Variants in RIN3 observed in about 807,000 individuals in gnomAD.
RIN3 encodes RAB5 interacting protein 3.
Under a neutral mutation model 76.3 loss-of-function variants are expected in RIN3, and 54 were observed. The ratio of observed to expected loss-of-function variants is 0.71; its 90% CI spans 0.57 to 0.89. RIN3 has a LOEUF of 0.89. Ranked by LOEUF, RIN3 falls within the 40% of genes least tolerant of loss-of-function variation. RIN3 has a pLI of 0.00. For missense variants in RIN3, 1,256 were observed against 1,322.1 expected (o/e 0.95, Z 0.78); for synonymous variants, 576 against 564.0 (o/e 1.02, Z -0.30).
Position 92,660,378 on chromosome 14 carries a change from T to G in RIN3, c.2335+909T>G, listed in dbSNP as rs373885116. On this transcript the variant is annotated intron_variant, in intron 7 of 9. Transcript: ENST00000216487. ...ACGGCCTTGCCCACATGCTGGGTGG[T>G]TGGTTGGCTGTTGGCTGCTCTGGGA... Among the ~76,000 whole-genome samples, 26 of 150,952 alleles carry G rather than the reference T, an allele frequency of 1.7e-4. No individual in the cohort carries two copies. The South Asian group carries it at 4.3e-3, about 25-fold the overall frequency.
chr14:92,586,277 AT>A (rs1884773166), intron 3 of RIN3, among the ~76,000 whole-genome samples: 2 of 152,226 alleles, frequency 1.3e-5, no homozygotes, highest in South Asian at 4.1e-4. Context: ...ATAATTAGCT[AT>A]GGAGTTTGAG....
intron 3 of RIN3, among the ~76,000 whole-genome samples, chr14:92,612,898 G>A (rs1417887363): frequency 6.6e-6 from 1 of 152,218 alleles, no homozygotes; most frequent in Admixed American, 6.5e-5. Flanking sequence ...AACCCAGCAA[G>A]GGGACTAGAT....
At chr14:92,518,396 T>C (rs1896502325) in intron 1 of RIN3, among the ~76,000 whole-genome samples, 1 of 151,936 alleles carries the variant, frequency 6.6e-6, no homozygotes, top group Middle Eastern at 3.2e-3. Context: ...TTTCTGGAGG[T>C]GTTTACAAGG....
chr14:92,557,234 T>TA, intron 2 of RIN3, among the ~76,000 whole-genome samples: 1 of 152,306 alleles, frequency 6.6e-6, no homozygotes, highest in Non-Finnish European at 1.5e-5. Context: ...AGGAGGTAGG[T>TA]GTTGCCACCT....
chr14:92,601,218 A>G (rs1028620227), intron 3 of RIN3, among the ~76,000 whole-genome samples: 4 of 152,210 alleles, frequency 2.6e-5, no homozygotes, highest in Admixed American at 1.3e-4. Context: ...TCTGTTTACT[A>G]TTTCTAATGT....
At chr14:92,647,259 T>C (rs924959408) in intron 5 of RIN3, among the ~76,000 whole-genome samples, 4 of 152,186 alleles carry the variant, frequency 2.6e-5, no homozygotes, top group African/African-American at 9.6e-5. Context: ...AATTCGGACT[T>C]GGAAAAGCCA....
chr14:92,651,859 A>T lies in RIN3; in HGVS notation c.810A>T (p.Ser270=). ...RPLPPTSDAT[S]PTSRWAPRRP... ...TGCCGCCCACCTCTGATGCCACCTC[A>T]CCCACCTCCAGGTGGGCCCCACGCC... Residue 270 remains serine (S), a synonymous_variant, in exon 6 of 10, where the codon TCA becomes TCT. Transcript: ENST00000216487. 6.2e-7 allele frequency: 1 copy of T among 1,605,108 alleles called. No homozygotes were observed.
intron 2 of RIN3, among the ~76,000 whole-genome samples, chr14:92,570,389 G>A (rs192445307): frequency 7.2e-4 from 109 of 152,260 alleles, no homozygotes; most frequent in African/African-American, 2.5e-3. Context: ...CAGGCCAGGC[G>A]CGGTGGCTCA....
At chr14:92,664,360 CTTTCTTTT>C (rs1887994869) in intron 7 of RIN3, among the ~76,000 whole-genome samples, 1 of 97,064 alleles carries the variant, frequency 1.0e-5, no homozygotes, top group Admixed American at 1.2e-4. Flanking sequence ...TTCTTTCTTT[CTTTCTTTT>C]TTTTTTTTTT....
chr14:92,687,908 C>T lies in RIN3; in HGVS notation c.2632-18C>T, dbSNP rs1355318358. 5 of 1,528,544 alleles carry T rather than the reference C, an allele frequency of 3.3e-6. No individual in the cohort carries two copies. The highest frequency in any genetic ancestry group is 4.4e-6 in the Non-Finnish European group (5 of 1,138,982). 94.7% of individuals were successfully genotyped at this position (1,528,544 alleles called of 1,614,324 possible). The stretch of plus-strand genomic sequence containing the variant: ...GACAGGGCCCCGCCGTGACCACAGG[C>T]CCCTCGCGTCTCCGCAGGACTTCAT... On this transcript the variant is annotated intron_variant, in intron 9 of 9. Transcript: ENST00000216487.
chr14:92,594,135 A>T (rs1227687620), intron 3 of RIN3, among the ~76,000 whole-genome samples: 1 of 152,118 alleles, frequency 6.6e-6, no homozygotes. Context: ...AAAAAAATTT[A>T]AAAGGCTTGC....
Position 92,651,889 on chromosome 14 carries a change from A to AC in RIN3, c.842dup (p.Pro282ThrfsTer142). ...CCTCCAGGTGGGCCCCACGCCGCCC[A>AC]CCACCCCCTCCCCCAGTGCTGCCCC... On this transcript the variant is annotated frameshift_variant, in exon 6 of 10. Transcript: ENST00000216487. LOFTEE classifies it high-confidence loss of function. 1.0e-6 allele frequency: 1 copy of AC among 955,610 alleles called. No homozygotes were observed. The highest frequency in any genetic ancestry group is 1.4e-6 in the Non-Finnish European group (1 of 723,436). The allele number at this position is 955,610 out of a possible 1,614,324, so 59.2% of individuals were successfully genotyped here. A position where few individuals can be genotyped will look rare whatever the true frequency, so the allele number is the denominator to read the frequency against.
chr14:92,656,624 G>T lies in RIN3; in HGVS notation c.2027-2537G>T, dbSNP rs138651268. 6.6e-6 allele frequency among the ~76,000 whole-genome samples: 1 copy of T among 152,238 alleles called. No homozygotes were observed. Among genetic ancestry groups the T allele is most frequent in the Non-Finnish European group, 1.5e-5 (1 of 68,042 alleles). On this transcript the variant is annotated intron_variant, in intron 6 of 9. Coordinates refer to ENST00000216487, the MANE Select transcript of RIN3 (RefSeq NM_024832.5). The surrounding 1 kb of genome is among the most constrained non-coding windows in gnomAD (Gnocchi z 5.2). The stretch of plus-strand genomic sequence containing the variant: ...CTAGACTTGGAGTTTGTCCTGGCAG[G>T]TGATATGGCAAAGTGTCACCAGAGC...
intron 1 of RIN3, among the ~76,000 whole-genome samples, chr14:92,522,390 C>A (rs1324432412): frequency 1.3e-5 from 2 of 152,060 alleles, no homozygotes; most frequent in African/African-American, 4.8e-5. Flanking sequence ...AAAGTTCATA[C>A]ACAGACACAC....
intron 1 of RIN3, among the ~76,000 whole-genome samples, chr14:92,550,476 C>T (rs1200770071): frequency 3.9e-5 from 6 of 152,166 alleles, no homozygotes; most frequent in Admixed American, 6.5e-5. Flanking sequence ...TGCAATGAGG[C>T]GATCTCAGCT....
In RIN3 at chr14:92,658,430, G is replaced by A. The variant is rs368204791; in HGVS notation, c.2027-731G>A. Reference sequence around the variant, plus strand: ...CAATGAGTGAGAGGTCACAGGGCCCGATCACAGCGGGGCCTCTTAGGCCAT... The same window carrying A: ...CAATGAGTGAGAGGTCACAGGGCCCAATCACAGCGGGGCCTCTTAGGCCAT... On this transcript the variant is annotated intron_variant, in intron 6 of 9. Coordinates refer to ENST00000216487, the MANE Select transcript of RIN3 (RefSeq NM_024832.5). Among the ~76,000 whole-genome samples the A allele has an allele frequency of 1.7e-3, 264 of 152,336 alleles. 1 individual carries two copies. The highest frequency in any genetic ancestry group is 6.0e-3 in the African/African-American group (251 of 41,564).
chr14:92,646,720 C>T (rs1393809870), intron 5 of RIN3, among the ~76,000 whole-genome samples: 6 of 152,212 alleles, frequency 3.9e-5, no homozygotes, highest in Admixed American at 2.0e-4. Flanking sequence ...GGATTACAGG[C>T]GTGAGCCACA....
At chr14:92,655,548 C>T (rs959296701) in intron 6 of RIN3, among the ~76,000 whole-genome samples, 10 of 152,364 alleles carry the variant, frequency 6.6e-5, no homozygotes, top group African/African-American at 1.7e-4. Context: ...GCAGGGTTCA[C>T]GTCCAAGGGT....
chr14:92,571,459 C>G (rs1423287507), intron 2 of RIN3, among the ~76,000 whole-genome samples: 3 of 152,178 alleles, frequency 2.0e-5, no homozygotes, highest in African/African-American at 7.2e-5. Flanking sequence ...TCTCAAGGCT[C>G]TAGATAATTT....
Sources: gnomAD v4.1 joint callset for allele counts (sites outside exome capture counted in the v4.1 genomes callset) on GRCh38, gnomAD v4.1.1 for gene constraint, Gnocchi (gnomAD v3.1) non-coding constraint, MANE v1.5 for transcripts, NCBI Gene and HGNC (gene_info 2026-07-23, HGNC 2026-07-21) for gene names.